Variants in DYM observed in about 807,000 individuals in gnomAD.
DYM encodes dymeclin, also known as dyggve-Melchior-Clausen syndrome protein.
A neutral mutation model predicts 93.1 loss-of-function variants in DYM; 78 were observed. That is an observed-to-expected ratio of 0.84 (90% CI 0.70 to 1.01). The LOEUF is 1.01. Ranked by LOEUF, DYM falls within the 50% of genes least tolerant of loss-of-function variation. The pLI is 0.00. For synonymous variants in DYM, 321 were observed against 319.7 expected, an observed-to-expected ratio of 1.00 and a Z score of -0.04; for missense variants, 789 against 845.0, an observed-to-expected ratio of 0.93 and a Z score of 0.82.
chr18:49,049,396 C>T lies in DYM; in HGVS notation c.2026-5192G>A, dbSNP rs538979278. 1.8e-4 allele frequency among the ~76,000 whole-genome samples: 27 copies of T among 152,280 alleles called. No individual in the cohort carries two copies. The South Asian group carries it at 3.7e-3, about 21-fold the overall frequency. On this transcript the variant is annotated intron_variant, in intron 17 of 17. Coordinates refer to ENST00000675505, the MANE Select transcript of DYM (RefSeq NM_001353214.3). ...AGGACTAAAAATACAGCCACTAGGA[C>T]ACATGGGGTCCCAGCCTTCAAGAGC...
At position 49,072,220 on chromosome 18, in the gene DYM, C is replaced by A. The variant is rs548260249; in HGVS notation, c.2025+25182G>T. ...CTACATGTTTCTCTTTATTTTTGTT[C>A]CTTCTAGTTTCACGAAGTTTAAACA... On this transcript the variant is annotated intron_variant, in intron 17 of 17. Coordinates refer to ENST00000675505, the MANE Select transcript of DYM (RefSeq NM_001353214.3). 3.9e-5 allele frequency among the ~76,000 whole-genome samples: 6 copies of A among 152,256 alleles called. No individual in the cohort carries two copies. In the East Asian group the frequency reaches 1.2e-3, roughly 29 times the overall value.
chr18:49,209,707 C>A lies in DYM; in HGVS notation c.1469G>T (p.Cys490Phe). 1 of 1,274,474 alleles carries A rather than the reference C, an allele frequency of 7.8e-7. No individual in the cohort carries two copies. The highest frequency in any genetic ancestry group is 1.0e-6 in the Non-Finnish European group (1 of 980,218). 78.9% of individuals were successfully genotyped at this position (1,274,474 alleles called of 1,614,324 possible). Reference protein sequence around the residue: ...YAAQRIISYTCRHLRRYVYVL... With the variant: ...YAAQRIISYTFRHLRRYVYVL... The stretch of plus-strand genomic sequence containing the variant: ...ATAAACATATCTCCGCAAGTGGCGG[C>A]AGGTATAACTGAAAGACAAAGGTAA... The change falls in exon 14 of 18, where the codon TGC becomes TTC. Residue 490 changes from cysteine to phenylalanine, a missense_variant. Cys to Phe is a radical substitution (Grantham distance 205, BLOSUM62 -2). Transcript: ENST00000675505.
chr18:49,252,757 G>A (rs1238397881), intron 13 of DYM, among the ~76,000 whole-genome samples: 1 of 152,186 alleles, frequency 6.6e-6, no homozygotes, highest in East Asian at 1.9e-4. Flanking sequence ...AGCCAGTGGA[G>A]GGACATGAGA....
At chr18:49,291,107 T>C (rs2060082384) in intron 8 of DYM, among the ~76,000 whole-genome samples, 1 of 152,296 alleles carries the variant, frequency 6.6e-6, no homozygotes, top group Admixed American at 6.5e-5. Flanking sequence ...TTAACTTTAA[T>C]CTTTGCATAT....
At chr18:49,412,115 T>C (rs1017268636) in intron 2 of DYM, among the ~76,000 whole-genome samples, 1 of 152,048 alleles carries the variant, frequency 6.6e-6, no homozygotes, top group Admixed American at 6.6e-5. Context: ...GACAATCGTA[T>C]ATGCTGTCAT....
At chr18:49,129,099 G>A (rs1170417447) in intron 15 of DYM, among the ~76,000 whole-genome samples, 2 of 151,074 alleles carry the variant, frequency 1.3e-5, no homozygotes, top group Admixed American at 6.6e-5. Flanking sequence ...GTCACAAATA[G>A]GGGTGTAATA....
At chr18:49,097,283 A>G in intron 17 of DYM, 119 bp downstream of exon 17, 1 of 867,480 alleles carries the variant, frequency 1.2e-6, no homozygotes, top group Non-Finnish European at 1.9e-6. Context: ...AGTTCTGAGG[A>G]GCCCTTCTAG....
At chr18:49,080,646 C>T (rs1232092206) in intron 17 of DYM, among the ~76,000 whole-genome samples, 31 of 148,992 alleles carry the variant, frequency 2.1e-4, no homozygotes, top group Non-Finnish European at 3.7e-4. Context: ...GGGCTGACCC[C>T]CCCCACCTCC....
intron 15 of DYM, among the ~76,000 whole-genome samples, chr18:49,149,794 C>T (rs1046229031): frequency 3.3e-5 from 5 of 149,968 alleles, no homozygotes; most frequent in African/African-American, 1.2e-4. Context: ...GCAACCTCCA[C>T]CTCCTGGGTT....
intron 8 of DYM, among the ~76,000 whole-genome samples, chr18:49,320,011 G>A (rs1320874148): frequency 6.6e-6 from 1 of 152,184 alleles, no homozygotes; most frequent in Non-Finnish European, 1.5e-5. Context: ...GAAGAGCCAT[G>A]TGCCATAATC....
At chr18:49,369,383 G>A (rs1030055942) in intron 5 of DYM, among the ~76,000 whole-genome samples, 1 of 152,106 alleles carries the variant, frequency 6.6e-6, no homozygotes. Flanking sequence ...ACATGGGAAG[G>A]GACAGAACCT....
intron 6 of DYM, among the ~76,000 whole-genome samples, chr18:49,355,422 G>T (rs1248466717): frequency 1.3e-5 from 2 of 151,888 alleles, no homozygotes; most frequent in Non-Finnish European, 2.9e-5. Context: ...AGATACAATT[G>T]ACAGATACAA....
intron 14 of DYM, among the ~76,000 whole-genome samples, chr18:49,202,984 G>T (rs1378031334): frequency 3.7e-5 from 3 of 80,346 alleles, no homozygotes; most frequent in African/African-American, 4.6e-5. Flanking sequence ...GGCCAGCCGT[G>T]CCATCCGGGA....
intron 15 of DYM, among the ~76,000 whole-genome samples, chr18:49,159,078 T>C (rs535818818): frequency 3.9e-5 from 6 of 152,320 alleles, no homozygotes; most frequent in Admixed American, 3.3e-4. Flanking sequence ...ACAAACAATA[T>C]GTATGTATAT....
chr18:49,348,045 G>A (rs1308687941), intron 6 of DYM, among the ~76,000 whole-genome samples: 2 of 152,172 alleles, frequency 1.3e-5, no homozygotes, highest in Admixed American at 6.6e-5. Context: ...AGAGACAGGC[G>A]CCATGACCCT....
chr18:49,050,130 A>C (rs541275559), intron 17 of DYM, among the ~76,000 whole-genome samples: 1 of 135,266 alleles, frequency 7.4e-6, no homozygotes, highest in Non-Finnish European at 1.5e-5. Context: ...CTTGTTGCCC[A>C]GGCTGGAGTG....
intron 14 of DYM, among the ~76,000 whole-genome samples, chr18:49,209,236 C>T (rs2092668673): frequency 6.6e-6 from 1 of 152,138 alleles, no homozygotes; most frequent in Non-Finnish European, 1.5e-5. Context: ...TCATATAAAA[C>T]ATCAGAGCAC....
In DYM at chr18:49,391,610, G is replaced by A. The variant is rs1238235670; in HGVS notation, c.176C>T (p.Ser59Leu). 1.2e-6 allele frequency: 2 copies of A among 1,613,430 alleles called. No individual in the cohort carries two copies. Among genetic ancestry groups the A allele is most frequent in the Non-Finnish European group, 1.7e-6 (2 of 1,179,658 alleles). ...CCACTTACCTAATGACCTGCAGACT[G>A]AAATGGTTGCTTCCTCCAAGAGTTT... The part of the protein sequence containing the change: ...ELKLLEEATI[S>L]VCRSLVENNP... Residue 59 changes from serine (S) to leucine (L), a missense_variant, in exon 3 of 18, where the codon TCA (serine) becomes TTA (leucine). This residue lies in a region of DYM where 450 missense variants were observed against 436.2 expected (regional missense o/e 1.03). Transcript: ENST00000675505.
chr18:49,195,916 C>CTTTTTTTTTTTTTTTTTT lies in DYM; in HGVS notation c.1625+13617_1625+13634dup, dbSNP rs540189318. Among the ~76,000 whole-genome samples the CTTTTTTTTTTTTTTTTTT allele has an allele frequency of 1.3e-4, 11 of 84,034 alleles. 2 individuals are homozygous for CTTTTTTTTTTTTTTTTTT. The highest frequency in any genetic ancestry group is 5.1e-4 in the African/African-American group (9 of 17,744). 55.1% of individuals were successfully genotyped at this position (84,034 alleles called of 152,430 possible). A position where few individuals can be genotyped will look rare whatever the true frequency, so the allele number is the denominator to read the frequency against. ...ATTATGCTCTCTTGAATGCTACCATCTTTTTTTTTTTTTTTTTTTTTTTTT... is the reference window on the plus strand; with the variant it reads ...ATTATGCTCTCTTGAATGCTACCATCTTTTTTTTTTTTTTTTTTTTTTTTTTTTTTTTTTTTTTTTTTT... On this transcript the variant is annotated intron_variant, in intron 14 of 17. Transcript: ENST00000675505.
Sources: allele counts gnomAD v4.1 joint callset (sites outside exome capture counted in the v4.1 genomes callset), GRCh38; gene constraint gnomAD v4.1.1; regional missense constraint gnomAD v4.1.1; transcripts MANE v1.5; gene names NCBI Gene and HGNC (gene_info 2026-07-23, HGNC 2026-07-21).